Variants in SPATA13 observed in about 807,000 individuals in gnomAD.
SPATA13 encodes the protein spermatogenesis-associated protein 13.
A neutral mutation model predicts 104.0 loss-of-function variants in SPATA13; 50 were observed. The observed-to-expected ratio is 0.48, with a 90% CI of 0.38 to 0.61. The LOEUF (loss-of-function observed/expected upper bound fraction) is 0.61, where lower values mean the gene tolerates loss of function less well. Ranked by LOEUF, SPATA13 falls within the 20% of genes least tolerant of loss-of-function variation. The pLI is 0.00. For synonymous variants in SPATA13, 606 were observed against 667.5 expected (o/e 0.91, Z 1.42); for missense variants, 1,524 against 1,690.6 (o/e 0.90, Z 1.73).
rs373360129 is a variant in SPATA13 at position 24,066,605 on chromosome 13, G to T, written c.-112+48904G>T. On this transcript the variant is annotated intron_variant, in intron 3 of 14. Coordinates refer to the SPATA13 transcript ENST00000424834. ...GCCTCACCCATGGAGGGGACAGCAG[G>T]TGCTCACTGTGCTCACAATGGCTCC... Among the ~76,000 whole-genome samples, 465 of 152,294 alleles carry T rather than the reference G, an allele frequency of 3.1e-3. 1 individual carries two copies. The highest frequency in any genetic ancestry group is 0.017 in the South Asian group (80 of 4,826).
intron 1 of SPATA13, among the ~76,000 whole-genome samples, chr13:24,191,331 T>C (rs1394589884): frequency 6.6e-6 from 1 of 151,952 alleles, no homozygotes; most frequent in African/African-American, 2.4e-5. Flanking sequence ...ATTACACACA[T>C]GGTAGACTAC....
intron 4 of SPATA13, among the ~76,000 whole-genome samples, chr13:24,271,840 T>G (rs1309212703): frequency 2.6e-5 from 4 of 152,186 alleles, no homozygotes; most frequent in Admixed American, 6.5e-5. Flanking sequence ...TGTGCTTTCT[T>G]CCTTGTTTTG....
intron 1 of SPATA13, among the ~76,000 whole-genome samples, chr13:24,198,951 C>CTTTTTT (rs3067263): frequency 6.1e-4 from 85 of 140,372 alleles, no homozygotes; most frequent in African/African-American, 2.2e-3. Flanking sequence ...ACTATAAAAT[C>CTTTTTT]TTTTTTTTTT....
chr13:24,102,608 G>A (rs1880293477), intron 3 of SPATA13, among the ~76,000 whole-genome samples: 1 of 151,854 alleles, frequency 6.6e-6, no homozygotes, highest in South Asian at 2.1e-4. Context: ...CTGAGTAGCT[G>A]GGATTATAGG....
chr13:24,120,252 T>C (rs376764814), intron 3 of SPATA13, among the ~76,000 whole-genome samples: 6 of 152,278 alleles, frequency 3.9e-5, no homozygotes, highest in African/African-American at 1.4e-4. Flanking sequence ...AAATGGTTAT[T>C]GAGAAATTGG....
chr13:24,088,273 C>G lies in SPATA13; in HGVS notation c.-112+70572C>G, dbSNP rs1358058312. 6.6e-6 allele frequency among the ~76,000 whole-genome samples: 1 copy of G among 152,160 alleles called. No homozygotes were observed. The highest frequency in any genetic ancestry group is 1.5e-5 in the Non-Finnish European group (1 of 68,028). ...GGATTGTTTGCATTCTACAGATGAG[C>G]ACACCGAGGCTCAGAGCGGTAAGGA... On this transcript the variant is annotated intron_variant, in intron 3 of 14. Coordinates refer to the SPATA13 transcript ENST00000424834. The surrounding 1 kb of genome is among the most constrained non-coding windows in gnomAD (Gnocchi z 4.3).
chr13:24,270,937 T>G, intron 4 of SPATA13: 10 of 1,549,298 alleles, frequency 6.5e-6, no homozygotes, highest in Non-Finnish European at 8.9e-6. Context: ...AATGGATTGT[T>G]GTACTGTGAC....
intron 3 of SPATA13, among the ~76,000 whole-genome samples, chr13:24,131,637 A>G (rs1394751854): frequency 1.3e-5 from 2 of 152,218 alleles, no homozygotes; most frequent in African/African-American, 4.8e-5. Context: ...AATATAACAG[A>G]AAATCTGGAA....
intron 1 of SPATA13, among the ~76,000 whole-genome samples, chr13:24,211,493 G>GTTT (rs140120414): frequency 0.09 from 13,747 of 152,158 alleles, 1,669 homozygotes; most frequent in African/African-American, 0.28. Context: ...GGCTTTTTCT[G>GTTT]TATCTGTTGA....
At chr13:24,301,745 C>G (rs1877199345) in intron 12 of SPATA13, among the ~76,000 whole-genome samples, 1 of 152,226 alleles carries the variant, frequency 6.6e-6, no homozygotes, top group African/African-American at 2.4e-5. Context: ...GCCATGCTGA[C>G]TTACACAGTT....
At chr13:23,997,294 T>C (rs1034963035) in intron 2 of SPATA13, among the ~76,000 whole-genome samples, 1 of 152,194 alleles carries the variant, frequency 6.6e-6, no homozygotes. Context: ...CAAAACCATG[T>C]CCATATTCAT....
chr13:24,202,151 A>C (rs1870447786), intron 1 of SPATA13, among the ~76,000 whole-genome samples: 1 of 152,164 alleles, frequency 6.6e-6, no homozygotes, highest in East Asian at 1.9e-4. Flanking sequence ...ATATTCGTTG[A>C]TACATCTAAG....
At chr13:24,054,149 C>T (rs1218402472) in intron 3 of SPATA13, among the ~76,000 whole-genome samples, 2 of 152,068 alleles carry the variant, frequency 1.3e-5, no homozygotes, top group East Asian at 1.9e-4. Context: ...GTCAAGGACA[C>T]CATGAGAGAT....
chr13:24,052,984 G>A (rs1468123059), intron 3 of SPATA13, among the ~76,000 whole-genome samples: 4 of 151,080 alleles, frequency 2.6e-5, no homozygotes, highest in Non-Finnish European at 4.4e-5. Context: ...TTGCATAACA[G>A]CTCTAATTCC....
At position 24,019,095 on chromosome 13, in the gene SPATA13, T is replaced by TA. The variant is rs200837147; in HGVS notation, c.-112+1394_-112+1395insA. On this transcript the variant is annotated intron_variant, in intron 3 of 14. Transcript: ENST00000424834. Reference sequence around the variant, plus strand: ...TGATTCTTATTATTATTATTATTATTTTTTTTTTTTTGAGACGGAGTCTCG... The same window carrying TA: ...TGATTCTTATTATTATTATTATTATTATTTTTTTTTTTGAGACGGAGTCTCG... Among the ~76,000 whole-genome samples, 563 of 141,224 alleles carry TA rather than the reference T, an allele frequency of 4.0e-3. 2 individuals are homozygous for TA. The highest frequency in any genetic ancestry group is 0.012 in the African/African-American group (467 of 37,420). The allele number at this position is 141,224 out of a possible 152,430, so 92.6% of individuals were successfully genotyped here. A position where few individuals can be genotyped will look rare whatever the true frequency, so the allele number is the denominator to read the frequency against.
chr13:24,017,491 CTG>C (rs1488119747), intron 2 of SPATA13, among the ~76,000 whole-genome samples: 1 of 152,090 alleles, frequency 6.6e-6, no homozygotes, highest in African/African-American at 2.4e-5. Flanking sequence ...GTATGTGTGT[CTG>C]TGTTTGTATG....
At chr13:24,039,908 T>A (rs1293575451) in intron 3 of SPATA13, among the ~76,000 whole-genome samples, 2 of 152,312 alleles carry the variant, frequency 1.3e-5, no homozygotes, top group African/African-American at 4.8e-5. Context: ...AGCTCTGATC[T>A]TCCCTTCTTG....
chr13:24,218,305 G>A (rs1406987396), intron 1 of SPATA13, among the ~76,000 whole-genome samples: 2 of 152,188 alleles, frequency 1.3e-5, no homozygotes, highest in African/African-American at 4.8e-5. Context: ...CAGTAGAGTC[G>A]CTTAGACCTG....
At chr13:23,992,017 C>A (rs2810699) in intron 2 of SPATA13, among the ~76,000 whole-genome samples, 95,176 of 151,996 alleles carry the variant, frequency 0.63, 30,871 homozygotes, top group Non-Finnish European at 0.71. Flanking sequence ...CAAGCCAAGC[C>A]CTCTGCTAAA....
Sources: allele counts gnomAD v4.1 joint callset (sites outside exome capture counted in the v4.1 genomes callset), GRCh38; gene constraint gnomAD v4.1.1; non-coding constraint Gnocchi (gnomAD v3.1); transcripts MANE v1.5; gene names NCBI Gene and HGNC (gene_info 2026-07-23, HGNC 2026-07-21).